Variants in TNKS observed in about 807,000 individuals in gnomAD.
The protein encoded by TNKS is tankyrase, also known as poly [ADP-ribose] polymerase tankyrase-1.
TNKS carries 72 observed loss-of-function variants against 135.8 expected under a neutral mutation model. That is an observed-to-expected ratio of 0.53 (90% CI 0.44 to 0.64). TNKS has a LOEUF of 0.64. Among genes scored for constraint, TNKS ranks in the 30% least tolerant of loss-of-function variants. The pLI, the probability that TNKS is intolerant of heterozygous loss-of-function variation, is 0.00. For synonymous variants in TNKS, 849 were observed against 649.3 expected (o/e 1.31, Z -4.68); for missense variants, 1,769 against 1,674.0 (o/e 1.06, Z -0.99).
chr8:9,700,301 A>C (rs1394984871), intron 5 of TNKS, among the ~76,000 whole-genome samples: 2 of 152,174 alleles, frequency 1.3e-5, no homozygotes, highest in Non-Finnish European at 2.9e-5. Flanking sequence ...TAGAGAATCA[A>C]ACTTGGTGTG....
At chr8:9,717,072 A>ATATGTATATATATATATATATATATAT (rs376229840) in intron 11 of TNKS, among the ~76,000 whole-genome samples, 1 of 79,460 alleles carries the variant, frequency 1.3e-5, no homozygotes, top group Non-Finnish European at 2.5e-5. Context: ...GTTGTATTAT[A>ATATGTATATATATATATATATATATAT]ATATATATAT....
intron 26 of TNKS, among the ~76,000 whole-genome samples, chr8:9,770,888 T>C (rs868384468): frequency 1.1e-4 from 16 of 152,172 alleles, no homozygotes; most frequent in South Asian, 4.2e-4. Flanking sequence ...AAGCATATTA[T>C]AGGATTGAGC....
intron 8 of TNKS, among the ~76,000 whole-genome samples, chr8:9,708,084 G>C (rs1382164716): frequency 6.6e-6 from 1 of 152,032 alleles, no homozygotes; most frequent in Non-Finnish European, 1.5e-5. Flanking sequence ...GTTTCCTTTT[G>C]GTGGACATTT....
chr8:9,756,490 C>T (rs138890859), intron 20 of TNKS, among the ~76,000 whole-genome samples: 1,687 of 151,136 alleles, frequency 0.011, 13 homozygotes, highest in African/African-American at 0.023. Flanking sequence ...GCCCAACAAG[C>T]TTGTGATTTC....
intron 3 of TNKS, among the ~76,000 whole-genome samples, chr8:9,661,566 C>G (rs1221637910): frequency 6.6e-6 from 1 of 152,116 alleles, no homozygotes; most frequent in Non-Finnish European, 1.5e-5. Context: ...TTCCTTACAC[C>G]TTAGACAAAA....
intron 2 of TNKS, among the ~76,000 whole-genome samples, chr8:9,582,682 C>G (rs1423406364): frequency 6.6e-6 from 1 of 152,088 alleles, no homozygotes; most frequent in Non-Finnish European, 1.5e-5. Flanking sequence ...TCACAGTGTT[C>G]CTGAGAGGAT....
At chr8:9,646,427 A>T (rs1800921976) in intron 3 of TNKS, among the ~76,000 whole-genome samples, 1 of 152,164 alleles carries the variant, frequency 6.6e-6, no homozygotes, top group Admixed American at 6.5e-5. Flanking sequence ...TGCAAATAGA[A>T]ATCTGTTTCA....
intron 20 of TNKS, among the ~76,000 whole-genome samples, chr8:9,761,048 C>T (rs1014233189): frequency 6.6e-6 from 1 of 152,118 alleles, no homozygotes; most frequent in Non-Finnish European, 1.5e-5. Context: ...GAAGTTCTTC[C>T]TTATCTTCAT....
At chr8:9,611,479 A>C (rs1366091319) in intron 2 of TNKS, among the ~76,000 whole-genome samples, 1 of 152,200 alleles carries the variant, frequency 6.6e-6, no homozygotes, top group African/African-American at 2.4e-5. Context: ...AATCTGTTTT[A>C]TATTAGTGTG....
intron 11 of TNKS, among the ~76,000 whole-genome samples, chr8:9,717,019 C>T (rs1250471341): frequency 2.8e-5 from 4 of 140,836 alleles, no homozygotes; most frequent in African/African-American, 5.2e-5. Context: ...TCTTAAGGCA[C>T]GTGAGCAAGA....
Position 9,607,191 on chromosome 8 carries a change from A to G in TNKS, c.899-8391A>G, listed in dbSNP as rs548986928. Among the ~76,000 whole-genome samples, 8 of 152,322 alleles carry G rather than the reference A, an allele frequency of 5.3e-5. No homozygotes were observed. In the South Asian group the frequency reaches 1.7e-3, roughly 32 times the overall value. On this transcript the variant is annotated intron_variant, in intron 2 of 26. Transcript: ENST00000310430. ...CTTACTGCATGTTAGCATGAGTAACATTTTTTGAAAAATTGTTTTCCAAAA... is the reference window on the plus strand; with the variant it reads ...CTTACTGCATGTTAGCATGAGTAACGTTTTTTGAAAAATTGTTTTCCAAAA...
At chr8:9,674,737 A>T (rs1449965525) in intron 3 of TNKS, among the ~76,000 whole-genome samples, 2 of 152,204 alleles carry the variant, frequency 1.3e-5, no homozygotes, top group African/African-American at 4.8e-5. Context: ...AAGCAGAGTG[A>T]TGTTAGCTAG....
intron 5 of TNKS, among the ~76,000 whole-genome samples, chr8:9,683,422 C>T (rs1464184593): frequency 6.6e-6 from 1 of 151,950 alleles, no homozygotes; most frequent in East Asian, 1.9e-4. Context: ...TGTAGTAAAT[C>T]AGGCATATAA....
chr8:9,565,718 G>A (rs548039795), intron 1 of TNKS, among the ~76,000 whole-genome samples: 13 of 152,014 alleles, frequency 8.6e-5, no homozygotes, highest in African/African-American at 1.4e-4. Flanking sequence ...TTAGCCTGGC[G>A]TGGTGGCGGG....
intron 3 of TNKS, among the ~76,000 whole-genome samples, chr8:9,625,446 T>C (rs999629732): frequency 1.3e-5 from 2 of 152,078 alleles, no homozygotes; most frequent in African/African-American, 4.8e-5. Context: ...CTCATTTTGC[T>C]CTTTTTCTGG....
At chr8:9,724,862 GAT>G (rs1402550064) in intron 12 of TNKS, among the ~76,000 whole-genome samples, 1 of 152,154 alleles carries the variant, frequency 6.6e-6, no homozygotes, top group Non-Finnish European at 1.5e-5. Context: ...TCCGCATCAA[GAT>G]ATGTGTTCCA....
chr8:9,753,698 A>C (rs1489419103), intron 20 of TNKS, among the ~76,000 whole-genome samples: 1 of 152,196 alleles, frequency 6.6e-6, no homozygotes, highest in Non-Finnish European at 1.5e-5. Context: ...AGGTGTAGGG[A>C]TCACCCTTGT....
At chr8:9,725,079 A>G (rs912567413) in intron 12 of TNKS, among the ~76,000 whole-genome samples, 2 of 152,250 alleles carry the variant, frequency 1.3e-5, no homozygotes, top group African/African-American at 4.8e-5. Context: ...ACTGTCATAG[A>G]GACATAATAT....
intron 5 of TNKS, among the ~76,000 whole-genome samples, chr8:9,695,576 T>A (rs550246869): frequency 1.3e-5 from 2 of 152,170 alleles, no homozygotes; most frequent in African/African-American, 4.8e-5. Context: ...CTGGAAGATT[T>A]TGAGCACAAG....
Sources: gnomAD v4.1 joint callset for allele counts (sites outside exome capture counted in the v4.1 genomes callset) on GRCh38, gnomAD v4.1.1 for gene constraint, MANE v1.5 for transcripts, NCBI Gene and HGNC (gene_info 2026-07-23, HGNC 2026-07-21) for gene names.